The following SLC6A15 variants were observed in gnomAD, a reference collection of about 807,000 sequenced individuals.
The protein encoded by SLC6A15 is sodium-dependent neutral amino acid transporter B(0)AT2.
A neutral mutation model predicts 68.5 loss-of-function variants in SLC6A15; 33 were observed. That is an observed-to-expected ratio of 0.48 (90% CI 0.37 to 0.64). The LOEUF (loss-of-function observed/expected upper bound fraction) is 0.64, where lower values mean the gene tolerates loss of function less well. Ranked by LOEUF, SLC6A15 falls within the 30% of genes least tolerant of loss-of-function variation. The probability of loss-of-function intolerance (pLI) is 0.00; values close to 1 mark genes in which losing one functional copy is unlikely to be tolerated. For missense variants in SLC6A15, 747 were observed against 874.3 expected, an observed-to-expected ratio of 0.85 and a Z score of 1.84; for synonymous variants, 347 against 301.0, an observed-to-expected ratio of 1.15 and a Z score of -1.58.
At chr12:84,895,867 C>G (rs1172194692) in intron 1 of SLC6A15, among the ~76,000 whole-genome samples, 1 of 151,932 alleles carries the variant, frequency 6.6e-6, no homozygotes, top group East Asian at 1.9e-4. Flanking sequence ...AAAAGCCCGC[C>G]TAAAAACTTA....
intron 1 of SLC6A15, among the ~76,000 whole-genome samples, chr12:84,908,603 T>C (rs1592618912): frequency 2.0e-5 from 1 of 48,910 alleles, no homozygotes; most frequent in South Asian, 5.8e-4. Context: ...TAAAGAAACA[T>C]ATATATATAT....
intron 1 of SLC6A15, among the ~76,000 whole-genome samples, chr12:84,911,538 C>T (rs1873463293): frequency 6.6e-6 from 1 of 152,174 alleles, no homozygotes; most frequent in Admixed American, 6.5e-5. Context: ...GGCTTTGCTT[C>T]CTAAAACGCA....
In SLC6A15 at chr12:84,883,981, G is replaced by C; in HGVS notation, c.634C>G (p.Leu212Val). ...ATTYYWYREA[L>V]NISSSISESG... ...TCAGAAATGGAACTTGAAATATTCA[G>C]TGCTTCCCTGTACCAGTAATAGGTG... The change falls in exon 5 of 12, where the codon CTG becomes GTG. Residue 212 changes from leucine to valine, a missense_variant. Leu to Val is a conservative substitution (Grantham distance 32). Coordinates refer to ENST00000266682, the MANE Select transcript of SLC6A15 (RefSeq NM_182767.6). 6.2e-7 allele frequency: 1 copy of C among 1,614,186 alleles called. No homozygotes were observed. The highest frequency in any genetic ancestry group is 8.5e-7 in the Non-Finnish European group (1 of 1,180,026).
intron 1 of SLC6A15, among the ~76,000 whole-genome samples, chr12:84,899,473 T>C (rs1265779561): frequency 6.6e-6 from 1 of 152,188 alleles, no homozygotes; most frequent in Non-Finnish European, 1.5e-5. Flanking sequence ...AGGCTGTAAA[T>C]ACTACCGTAG....
intron 9 of SLC6A15, among the ~76,000 whole-genome samples, chr12:84,869,723 A>G (rs563772493): frequency 6.6e-6 from 1 of 152,208 alleles, no homozygotes; most frequent in East Asian, 1.9e-4. Context: ...TCCATCGTAT[A>G]TTTAGATGAC....
At chr12:84,882,558 T>G (rs1871869308) in intron 5 of SLC6A15, 6 of 745,806 alleles carry the variant, frequency 8.0e-6, no homozygotes, top group Non-Finnish European at 9.8e-6. Context: ...GACAGACTTC[T>G]GCCCTAAAAG....
In SLC6A15 at chr12:84,863,426, A is replaced by G; in HGVS notation, c.1818+13T>C. On this transcript the variant is annotated intron_variant, in intron 11 of 11. Coordinates refer to ENST00000266682, the MANE Select transcript of SLC6A15 (RefSeq NM_182767.6). ...TATCTTTTAAAAATGTAATTCCCTT[A>G]TTTTGTATTTACCTTATCTTCAATC... 6.5e-7 allele frequency: 1 copy of G among 1,541,730 alleles called. No individual in the cohort carries two copies. Among genetic ancestry groups the G allele is most frequent in the Non-Finnish European group, 8.7e-7 (1 of 1,154,028 alleles).
chr12:84,884,394 C>T (rs1871980032), intron 4 of SLC6A15, among the ~76,000 whole-genome samples: 1 of 152,116 alleles, frequency 6.6e-6, no homozygotes, highest in Admixed American at 6.6e-5. Flanking sequence ...CAACCTCTGC[C>T]TCCCGGATTC....
At chr12:84,894,038 T>C (rs541054500) in intron 1 of SLC6A15, among the ~76,000 whole-genome samples, 1 of 152,266 alleles carries the variant, frequency 6.6e-6, no homozygotes, top group South Asian at 2.1e-4. Context: ...ACAGTGACTA[T>C]TTCACAGAGG....
rs556132036 is a variant in SLC6A15 at position 84,872,584 on chromosome 12, C to T, written c.1302+18G>A. ...AGTGAATGATAATTATTTTATTGCT[C>T]AAACATGGCTTACTAACTTTATTTA... On this transcript the variant is annotated intron_variant, in intron 8 of 11. Coordinates refer to ENST00000266682, the MANE Select transcript of SLC6A15 (RefSeq NM_182767.6). 6.3e-7 allele frequency: 1 copy of T among 1,592,650 alleles called. No homozygotes were observed. Among genetic ancestry groups the T allele is most frequent in the South Asian group, 1.1e-5 (1 of 88,600 alleles).
At chr12:84,897,569 GA>G (rs968490788) in intron 1 of SLC6A15, among the ~76,000 whole-genome samples, 2 of 151,998 alleles carry the variant, frequency 1.3e-5, no homozygotes, top group Admixed American at 1.3e-4. Context: ...AGCAGAAGTA[GA>G]AAGATCAAAT....
chr12:84,874,179 C>A (rs896196601), intron 6 of SLC6A15, among the ~76,000 whole-genome samples: 6 of 152,114 alleles, frequency 3.9e-5, no homozygotes, highest in African/African-American at 1.4e-4. Flanking sequence ...ACTAAGAACA[C>A]GAATTCTACA....
At position 84,891,014 on chromosome 12, in the gene SLC6A15, A is replaced by G. The variant is rs143144759; in HGVS notation, c.289+818T>C. On this transcript the variant is annotated intron_variant, in intron 2 of 11. Coordinates refer to ENST00000266682, the MANE Select transcript of SLC6A15 (RefSeq NM_182767.6). Reference sequence around the variant, plus strand: ...TTCAATCCAATGTTAGTTAAATTAAATTCAGTTTGGTTTTGGTGTACTATA... The same window carrying G: ...TTCAATCCAATGTTAGTTAAATTAAGTTCAGTTTGGTTTTGGTGTACTATA... 6.4e-3 allele frequency among the ~76,000 whole-genome samples: 975 copies of G among 152,264 alleles called. 3 individuals are homozygous for G. The highest frequency in any genetic ancestry group is 0.019 in the African/African-American group (776 of 41,570).
intron 1 of SLC6A15, among the ~76,000 whole-genome samples, chr12:84,902,279 A>AT (rs960630878): frequency 6.6e-5 from 10 of 151,896 alleles, no homozygotes; most frequent in East Asian, 1.9e-4. Flanking sequence ...TTAAATGTAT[A>AT]TTTTTTTTCC....
At chr12:84,893,461 C>T (rs1280897924) in intron 1 of SLC6A15, among the ~76,000 whole-genome samples, 15 of 151,866 alleles carry the variant, frequency 9.9e-5, no homozygotes, top group Admixed American at 9.8e-4. Flanking sequence ...CTATCCTTTT[C>T]CCCACTCAGA....
At chr12:84,907,302 C>T (rs1383725964) in intron 1 of SLC6A15, among the ~76,000 whole-genome samples, 1 of 151,596 alleles carries the variant, frequency 6.6e-6, no homozygotes, top group Admixed American at 6.6e-5. Flanking sequence ...GAGCTGAGAT[C>T]GCGCCACTGA....
chr12:84,881,447 T>A, intron 5 of SLC6A15: 6 of 985,326 alleles, frequency 6.1e-6, no homozygotes, highest in Non-Finnish European at 7.2e-6. Flanking sequence ...ATCACTGAGC[T>A]GAAATTTCTC....
intron 1 of SLC6A15, among the ~76,000 whole-genome samples, chr12:84,894,384 A>G (rs929530421): frequency 2.0e-5 from 3 of 152,152 alleles, no homozygotes; most frequent in East Asian, 1.9e-4. Context: ...TCCTAGCACT[A>G]TAACTTATTA....
At chr12:84,873,009 A>C in intron 7 of SLC6A15, 78 bp downstream of exon 7, 1 of 1,470,900 alleles carries the variant, frequency 6.8e-7, no homozygotes, top group Non-Finnish European at 9.2e-7. Context: ...AAATATGTAT[A>C]GCTATCATGT....
Sources: allele counts gnomAD v4.1 joint callset (sites outside exome capture counted in the v4.1 genomes callset), GRCh38; gene constraint gnomAD v4.1.1; transcripts MANE v1.5; gene names NCBI Gene and HGNC (gene_info 2026-07-23, HGNC 2026-07-21).